DLGAP2: variants seen among roughly 807,000 people sequenced by gnomAD.
The protein encoded by DLGAP2 is DLG associated protein 2.
In DLGAP2, 26 loss-of-function variants were observed where a neutral mutation model predicts 100.3. The observed-to-expected ratio is 0.26, with a 90% CI of 0.19 to 0.36. The LOEUF (loss-of-function observed/expected upper bound fraction) is 0.36. Among genes scored for constraint, DLGAP2 ranks in the 10% least tolerant of loss-of-function variants. DLGAP2 has a pLI of 1.00. For synonymous variants in DLGAP2, 886 were observed against 630.1 expected (o/e 1.41, Z -6.08); for missense variants, 1,858 against 1,453.2 (o/e 1.28, Z -4.53).
chr8:1,600,429 G>A (rs1433163131), intron 6 of DLGAP2, among the ~76,000 whole-genome samples: 2 of 152,098 alleles, frequency 1.3e-5, no homozygotes, highest in Non-Finnish European at 2.9e-5. Context: ...TTCTTGCTAG[G>A]TTGGAGAAGT....
At chr8:1,040,795 G>A (rs943223334) in intron 2 of DLGAP2, among the ~76,000 whole-genome samples, 1 of 152,198 alleles carries the variant, frequency 6.6e-6, no homozygotes, top group Admixed American at 6.5e-5. Context: ...TGCAGATCCA[G>A]CAGGAGCGCA....
intron 3 of DLGAP2, among the ~76,000 whole-genome samples, chr8:1,308,858 G>A (rs1188630852): frequency 6.6e-6 from 1 of 152,004 alleles, no homozygotes; most frequent in African/African-American, 2.4e-5. Context: ...TCTTAAATAT[G>A]CCCCAAAACT....
intron 2 of DLGAP2, among the ~76,000 whole-genome samples, chr8:909,266 A>T (rs1563090670): frequency 6.6e-6 from 1 of 152,238 alleles, no homozygotes; most frequent in Non-Finnish European, 1.5e-5. Flanking sequence ...TGAAAAAGTC[A>T]CATGTGTAAA....
At chr8:1,315,077 G>A (rs975811910) in intron 3 of DLGAP2, among the ~76,000 whole-genome samples, 2 of 152,166 alleles carry the variant, frequency 1.3e-5, no homozygotes, top group African/African-American at 4.8e-5. Context: ...TACAAAAGAG[G>A]TTTTTTCAGA....
chr8:1,465,595 C>A (rs1798604836), intron 3 of DLGAP2, among the ~76,000 whole-genome samples: 1 of 152,194 alleles, frequency 6.6e-6, no homozygotes, highest in South Asian at 2.1e-4. Context: ...CCAGGAACCT[C>A]CACGGGTTCA....
intron 3 of DLGAP2, among the ~76,000 whole-genome samples, chr8:1,429,652 G>A (rs1164899679): frequency 4.6e-5 from 7 of 151,738 alleles, no homozygotes; most frequent in East Asian, 3.9e-4. Context: ...TCCACTGCCC[G>A]GTGTCAGCAC....
intron 2 of DLGAP2, among the ~76,000 whole-genome samples, chr8:1,033,468 A>G (rs1483512638): frequency 6.6e-6 from 1 of 152,108 alleles, no homozygotes; most frequent in Non-Finnish European, 1.5e-5. Flanking sequence ...GGAGTTCAAG[A>G]CCAGCCTGGG....
In DLGAP2 at chr8:1,624,622, T is replaced by C. The variant is rs1797443021; in HGVS notation, c.1443-2118T>C. ...GGTGACAGCCAAGGTCAGGGATCCG[T>C]GTTAGCTCGCCTTCTGTTCACTGGC... On this transcript the variant is annotated intron_variant, in intron 6 of 14. Coordinates refer to ENST00000637795, the MANE Select transcript of DLGAP2 (RefSeq NM_001346810.2). Among the ~76,000 whole-genome samples the C allele has an allele frequency of 2.6e-5, 4 of 151,758 alleles. No homozygotes were observed. In the South Asian group the frequency reaches 6.3e-4, roughly 24 times the overall value.
chr8:1,670,099 T>C (rs888545577), intron 10 of DLGAP2, among the ~76,000 whole-genome samples: 1 of 152,088 alleles, frequency 6.6e-6, no homozygotes, highest in South Asian at 2.1e-4. Context: ...ATTAGCCAGG[T>C]GACTTCCCAT....
At chr8:1,413,206 G>A (rs921804872) in intron 3 of DLGAP2, among the ~76,000 whole-genome samples, 2 of 151,968 alleles carry the variant, frequency 1.3e-5, no homozygotes, top group African/African-American at 4.8e-5. Flanking sequence ...TAGCACCTTT[G>A]TATGTTTCAA....
chr8:1,280,238 A>G (rs4073503), intron 3 of DLGAP2, among the ~76,000 whole-genome samples: 3 of 152,122 alleles, frequency 2.0e-5, no homozygotes, highest in Admixed American at 1.3e-4. Flanking sequence ...ATCAAATCTC[A>G]TGAGTCCTGC....
At chr8:1,655,284 T>C (rs941548514) in intron 8 of DLGAP2, among the ~76,000 whole-genome samples, 2 of 152,236 alleles carry the variant, frequency 1.3e-5, no homozygotes, top group African/African-American at 4.8e-5. Context: ...TCCTCTATGT[T>C]GAATCTTTTG....
At chr8:1,283,070 C>G (rs7834623) in intron 3 of DLGAP2, among the ~76,000 whole-genome samples, 5 of 143,514 alleles carry the variant, frequency 3.5e-5, no homozygotes, top group East Asian at 4.2e-4. Context: ...GAACCCAGCA[C>G]GTGAAGCATC....
At chr8:1,528,414 C>T (rs913936445) in intron 4 of DLGAP2, among the ~76,000 whole-genome samples, 3 of 152,362 alleles carry the variant, frequency 2.0e-5, no homozygotes, top group South Asian at 4.1e-4. Flanking sequence ...AAACAGAAGA[C>T]GTCATAAACT....
chr8:1,333,553 G>C (rs1446362674), intron 3 of DLGAP2, among the ~76,000 whole-genome samples: 1 of 152,130 alleles, frequency 6.6e-6, no homozygotes. Context: ...TGCAGGGTTT[G>C]TTCATCCGGA....
chr8:1,196,953 G>A (rs1399567658), intron 2 of DLGAP2, among the ~76,000 whole-genome samples: 1 of 152,176 alleles, frequency 6.6e-6, no homozygotes, highest in Admixed American at 6.5e-5. Context: ...CCATCCACAA[G>A]CTGGAGACCC....
intron 12 of DLGAP2, among the ~76,000 whole-genome samples, chr8:1,686,415 C>T (rs1003916592): frequency 1.2e-4 from 18 of 152,210 alleles, no homozygotes; most frequent in Middle Eastern, 3.2e-3. Flanking sequence ...TGCCTGTAAT[C>T]CCAGCACTTT....
rs546327942 is a variant in DLGAP2, at chr8:1,435,412, T to C, written c.107-65954T>C. Among the ~76,000 whole-genome samples, 7 of 152,190 alleles carry C rather than the reference T, an allele frequency of 4.6e-5. No homozygotes were observed. In the South Asian group the frequency reaches 1.5e-3, roughly 32 times the overall value. On this transcript the variant is annotated intron_variant, in intron 3 of 14. Transcript: ENST00000637795. ...GTGCAGCGGTGGCCCTGTAAGATTA[T>C]CATCAGCTGGAAGACTCCTACTGTC... is the stretch of plus-strand genomic sequence containing the variant.
At chr8:1,117,805 CACTT>C (rs1257302220) in intron 2 of DLGAP2, among the ~76,000 whole-genome samples, 1 of 152,148 alleles carries the variant, frequency 6.6e-6, no homozygotes, top group African/African-American at 2.4e-5. Context: ...TCTTGACACT[CACTT>C]GGGCTCAGAG....
Sources: allele counts gnomAD v4.1 joint callset (sites outside exome capture counted in the v4.1 genomes callset), GRCh38; gene constraint gnomAD v4.1.1; transcripts MANE v1.5; gene names NCBI Gene and HGNC (gene_info 2026-07-23, HGNC 2026-07-21).